Variants in SNTB1 observed in about 807,000 individuals in gnomAD.
The protein encoded by SNTB1 is beta-1-syntrophin.
A neutral mutation model predicts 48.9 loss-of-function variants in SNTB1; 36 were observed. That is an observed-to-expected ratio of 0.74 (90% confidence interval 0.56 to 0.97). SNTB1 has a LOEUF of 0.97. Among genes scored for constraint, SNTB1 ranks in the 50% least tolerant of loss-of-function variants. SNTB1 has a pLI of 0.00. For missense variants in SNTB1, 786 were observed against 703.4 expected, an observed-to-expected ratio of 1.12 and a Z score of -1.33; for synonymous variants, 299 against 294.6, an observed-to-expected ratio of 1.01 and a Z score of -0.15.
rs1203403200 is a variant in SNTB1, at chr8:120,623,932, T to TTTTG, written c.996+8508_996+8511dup. Among the ~76,000 whole-genome samples the TTTTG allele has an allele frequency of 1.1e-4, 17 of 152,144 alleles. No homozygotes were observed. The South Asian group carries it at 2.3e-3, about 20-fold the overall frequency. On this transcript the variant is annotated intron_variant, in intron 3 of 6. Transcript: ENST00000517992. ...ACAGAGTACCGTAGACTGGGTAATT[T>TTTTG]TTTGTTTGTTTGTTTGTTTTTTTGA...
chr8:120,720,639 T>C (rs1381060040), intron 1 of SNTB1, among the ~76,000 whole-genome samples: 3 of 152,248 alleles, frequency 2.0e-5, no homozygotes, highest in Admixed American at 6.5e-5. Context: ...ATGAAGAGCA[T>C]TGATCAGTAT....
At chr8:120,795,533 G>C (rs1446396172) in intron 1 of SNTB1, among the ~76,000 whole-genome samples, 1 of 151,974 alleles carries the variant, frequency 6.6e-6, no homozygotes, top group Non-Finnish European at 1.5e-5. Context: ...AAAATATCTA[G>C]AATGCTAGAA....
intron 3 of SNTB1, among the ~76,000 whole-genome samples, chr8:120,609,141 C>G (rs1816575130): frequency 6.6e-6 from 1 of 152,044 alleles, no homozygotes; most frequent in Non-Finnish European, 1.5e-5. Context: ...CATAGTAAGT[C>G]TTATTCCAAA....
At chr8:120,717,898 C>CT (rs1818588533) in intron 1 of SNTB1, among the ~76,000 whole-genome samples, 1 of 152,164 alleles carries the variant, frequency 6.6e-6, no homozygotes, top group African/African-American at 2.4e-5. Flanking sequence ...ACAGTAGTGC[C>CT]ACGGACAGGC....
intron 1 of SNTB1, among the ~76,000 whole-genome samples, chr8:120,779,411 G>C (rs770927941): frequency 1.3e-5 from 2 of 152,168 alleles, no homozygotes; most frequent in Non-Finnish European, 2.9e-5. Context: ...GCTGAGGCAG[G>C]AGAATCGCTT....
At chr8:120,596,789 C>T (rs1424707357) in intron 3 of SNTB1, among the ~76,000 whole-genome samples, 2 of 152,188 alleles carry the variant, frequency 1.3e-5, no homozygotes, top group Non-Finnish European at 2.9e-5. Context: ...CTCTCTCTGA[C>T]CACAGTCAGG....
chr8:120,644,120 C>T (rs1225173823), intron 2 of SNTB1, among the ~76,000 whole-genome samples: 1 of 151,652 alleles, frequency 6.6e-6, no homozygotes, highest in Admixed American at 6.6e-5. Context: ...TACCAGTAGC[C>T]TATGATGATC....
At chr8:120,628,494 C>T (rs1272193379) in intron 3 of SNTB1, among the ~76,000 whole-genome samples, 4 of 152,110 alleles carry the variant, frequency 2.6e-5, no homozygotes, top group Non-Finnish European at 5.9e-5. Flanking sequence ...TGGTGGCTCA[C>T]GCCTGTAATC....
intron 1 of SNTB1, among the ~76,000 whole-genome samples, chr8:120,735,679 C>T (rs1160952844): frequency 1.3e-5 from 2 of 152,172 alleles, no homozygotes; most frequent in Non-Finnish European, 2.9e-5. Flanking sequence ...CAAATCTTGA[C>T]CTTGGACTTC....
In SNTB1 at chr8:120,610,206, G is replaced by A. The variant is rs538968014; in HGVS notation, c.996+22238C>T. Among the ~76,000 whole-genome samples, 25 of 152,128 alleles carry A rather than the reference G, an allele frequency of 1.6e-4. No homozygotes were observed. The South Asian group carries it at 4.4e-3, about 27-fold the overall frequency. Reference sequence around the variant, plus strand: ...GGCAGGAGTGCAGTGGCGTGATCTCGGCTCACTGCAACCTCTGCCTCCCTG... The same window carrying A: ...GGCAGGAGTGCAGTGGCGTGATCTCAGCTCACTGCAACCTCTGCCTCCCTG... On this transcript the variant is annotated intron_variant, in intron 3 of 6. Transcript: ENST00000517992.
intron 2 of SNTB1, among the ~76,000 whole-genome samples, chr8:120,675,685 A>G (rs1351645357): frequency 1.3e-5 from 2 of 152,238 alleles, no homozygotes; most frequent in Non-Finnish European, 2.9e-5. Context: ...CAGGGGAACA[A>G]AGGGACTATT....
intron 1 of SNTB1, among the ~76,000 whole-genome samples, chr8:120,781,767 C>T (rs1439588214): frequency 6.6e-6 from 1 of 152,136 alleles, no homozygotes; most frequent in Non-Finnish European, 1.5e-5. Flanking sequence ...CACAGCTCAA[C>T]CTCAGTGGAC....
chr8:120,736,602 G>C (rs1241299599), intron 1 of SNTB1, among the ~76,000 whole-genome samples: 4 of 152,274 alleles, frequency 2.6e-5, no homozygotes, highest in Non-Finnish European at 5.9e-5. Flanking sequence ...GATATAAAAA[G>C]GCTTCACAAA....
chr8:120,704,482 C>A (rs774132759), intron 1 of SNTB1, among the ~76,000 whole-genome samples: 1 of 151,462 alleles, frequency 6.6e-6, no homozygotes, highest in African/African-American at 2.4e-5. Context: ...AAACAAAAAA[C>A]GTTTAATCTG....
intron 1 of SNTB1, among the ~76,000 whole-genome samples, chr8:120,781,853 A>G (rs545780154): frequency 1.7e-4 from 26 of 152,344 alleles, no homozygotes; most frequent in African/African-American, 5.5e-4. Flanking sequence ...AATTTCTAAC[A>G]TAAAGTCTGT....
At chr8:120,619,979 A>C (rs1816768096) in intron 3 of SNTB1, among the ~76,000 whole-genome samples, 1 of 152,234 alleles carries the variant, frequency 6.6e-6, no homozygotes, top group Non-Finnish European at 1.5e-5. Flanking sequence ...AAATTAAAGA[A>C]TAGAATATTG....
intron 2 of SNTB1, among the ~76,000 whole-genome samples, chr8:120,642,961 A>G (rs1817221292): frequency 6.6e-6 from 1 of 152,184 alleles, no homozygotes; most frequent in Admixed American, 6.5e-5. Context: ...GTTATCTCAC[A>G]GTATCTGTAG....
intron 1 of SNTB1, among the ~76,000 whole-genome samples, chr8:120,809,303 T>C (rs1410638863): frequency 6.6e-6 from 1 of 152,230 alleles, no homozygotes; most frequent in Non-Finnish European, 1.5e-5. Context: ...CCAAAAAGGT[T>C]CATATCTCAG....
At chr8:120,769,469 C>T (rs1819581804) in intron 1 of SNTB1, 1 of 152,128 alleles carries the variant, frequency 6.6e-6, no homozygotes, top group South Asian at 2.1e-4. Context: ...GATGTTGCTC[C>T]AGTTTCTAGG....
Sources: allele counts gnomAD v4.1 joint callset (sites outside exome capture counted in the v4.1 genomes callset), GRCh38; gene constraint gnomAD v4.1.1; transcripts MANE v1.5; gene names NCBI Gene and HGNC (gene_info 2026-07-23, HGNC 2026-07-21).